PREX2: variants seen among roughly 807,000 people sequenced by gnomAD.
The protein encoded by PREX2 is phosphatidylinositol-3,4,5-trisphosphate dependent Rac exchange factor 2, also known as phosphatidylinositol 3,4,5-trisphosphate-dependent Rac exchanger 2 protein.
In PREX2, 107 loss-of-function variants were observed where a neutral mutation model predicts 203.2. That is an observed-to-expected ratio of 0.53 (90% CI 0.45 to 0.62). PREX2 has a LOEUF of 0.62. Ranked by LOEUF, PREX2 falls within the 20% of genes least tolerant of loss-of-function variation. The pLI is 0.00. For missense variants in PREX2, 1,777 were observed against 1,955.9 expected (o/e 0.91, Z 1.72); for synonymous variants, 672 against 663.6 (o/e 1.01, Z -0.19).
chr8:68,210,600 G>T (rs945026676), intron 37 of PREX2, among the ~76,000 whole-genome samples: 1 of 152,182 alleles, frequency 6.6e-6, no homozygotes, highest in African/African-American at 2.4e-5. Flanking sequence ...TGGCCCAAAA[G>T]GGGTGTTACA....
At position 68,136,520 on chromosome 8, in the gene PREX2, C is replaced by G. The variant is rs149268364; in HGVS notation, c.3985-1895C>G. 6.3e-3 allele frequency among the ~76,000 whole-genome samples: 955 copies of G among 152,228 alleles called. 12 individuals carry two copies. The highest frequency in any genetic ancestry group is 0.021 in the African/African-American group (893 of 41,536). ...GGCTTTGGCAATGTTTGCTGGAACACCATGGCTTGTGCTGTAGCTCTCAAA... is the reference window on the plus strand; with the variant it reads ...GGCTTTGGCAATGTTTGCTGGAACAGCATGGCTTGTGCTGTAGCTCTCAAA... On this transcript the variant is annotated intron_variant, in intron 32 of 39. Coordinates refer to ENST00000288368, the MANE Select transcript of PREX2 (RefSeq NM_024870.4).
intron 37 of PREX2, among the ~76,000 whole-genome samples, chr8:68,213,102 G>A (rs1812772392): frequency 6.6e-6 from 1 of 152,102 alleles, no homozygotes; most frequent in South Asian, 2.1e-4. Flanking sequence ...TTCTACACAG[G>A]ATACTACAAT....
intron 31 of PREX2, among the ~76,000 whole-genome samples, chr8:68,128,795 A>G (rs1810946880): frequency 6.6e-6 from 1 of 152,130 alleles, no homozygotes; most frequent in Non-Finnish European, 1.5e-5. Context: ...TCTCAAAATT[A>G]CATTACAAGA....
intron 35 of PREX2, among the ~76,000 whole-genome samples, chr8:68,169,972 A>G (rs1390355426): frequency 1.3e-5 from 2 of 152,232 alleles, no homozygotes; most frequent in South Asian, 2.1e-4. Context: ...AAACAAGCTG[A>G]TCTACTAGGA....
intron 25 of PREX2, among the ~76,000 whole-genome samples, chr8:68,112,943 C>T (rs759951854): frequency 9.9e-5 from 15 of 152,142 alleles, no homozygotes; most frequent in Non-Finnish European, 1.9e-4. Flanking sequence ...TAAAAACACA[C>T]AGGTCATTGC....
intron 35 of PREX2, among the ~76,000 whole-genome samples, chr8:68,168,504 A>C (rs1288034710): frequency 1.3e-5 from 2 of 152,224 alleles, no homozygotes; most frequent in Non-Finnish European, 2.9e-5. Context: ...TACAATCTCC[A>C]GTACAAATTA....
At chr8:67,985,760 T>A (rs143354815) in intron 1 of PREX2, among the ~76,000 whole-genome samples, 1 of 152,162 alleles carries the variant, frequency 6.6e-6, no homozygotes, top group Non-Finnish European at 1.5e-5. Flanking sequence ...CAGAGGACAG[T>A]TTCAGGGTGA....
chr8:68,075,157 C>G (rs1411462485), intron 14 of PREX2, among the ~76,000 whole-genome samples: 1 of 152,124 alleles, frequency 6.6e-6, no homozygotes, highest in African/African-American at 2.4e-5. Flanking sequence ...TAAATGCTCA[C>G]CAGGTGCATA....
At chr8:68,075,938 T>A (rs1809335270) in intron 14 of PREX2, among the ~76,000 whole-genome samples, 1 of 152,036 alleles carries the variant, frequency 6.6e-6, no homozygotes, top group Non-Finnish European at 1.5e-5. Flanking sequence ...TATGAACAAT[T>A]ACATGAGTGA....
At chr8:68,050,311 G>A (rs1311269636) in intron 8 of PREX2, among the ~76,000 whole-genome samples, 2 of 152,018 alleles carry the variant, frequency 1.3e-5, no homozygotes, top group Non-Finnish European at 2.9e-5. Flanking sequence ...ACTGGATGAC[G>A]GTTCTGTGGG....
At chr8:68,133,495 T>C (rs981785638) in intron 31 of PREX2, among the ~76,000 whole-genome samples, 4 of 152,242 alleles carry the variant, frequency 2.6e-5, no homozygotes, top group African/African-American at 7.2e-5. Context: ...AACATACTTA[T>C]AGCTCATGAA....
intron 34 of PREX2, among the ~76,000 whole-genome samples, chr8:68,156,033 AT>A (rs751084088): frequency 6.6e-6 from 1 of 151,924 alleles, no homozygotes; most frequent in East Asian, 1.9e-4. Flanking sequence ...GAAAATTTCC[AT>A]TTTTTTACTC....
chr8:68,196,263 A>G (rs1812391647), intron 37 of PREX2, among the ~76,000 whole-genome samples: 1 of 150,596 alleles, frequency 6.6e-6, no homozygotes, highest in Admixed American at 6.6e-5. Context: ...ATATAATATA[A>G]TTTAATTTTT....
At chr8:68,129,490 G>A (rs1489028465) in intron 31 of PREX2, among the ~76,000 whole-genome samples, 1 of 152,050 alleles carries the variant, frequency 6.6e-6, no homozygotes, top group Admixed American at 6.6e-5. Context: ...TTTGAAAAGG[G>A]TAGACTGTGT....
chr8:68,045,630 C>G (rs575684737), intron 8 of PREX2, among the ~76,000 whole-genome samples: 1 of 152,154 alleles, frequency 6.6e-6, no homozygotes, highest in Non-Finnish European at 1.5e-5. Context: ...TCAGGTGGTG[C>G]CTGAGACTGA....
intron 20 of PREX2, 40 bp from the exon 21 acceptor site, chr8:68,093,565 C>A (rs1454144313): frequency 1.1e-6 from 1 of 947,956 alleles, no homozygotes; most frequent in Non-Finnish European, 1.7e-6. Context: ...TTTTAGGAAG[C>A]ACTAATACCT....
At position 68,146,350 on chromosome 8, in the gene PREX2, A is replaced by G. The variant is rs776600949; in HGVS notation, c.4229A>G (p.Gln1410Arg). ...AAAATTCATCCTGTTCTTTTTGCAC[A>G]AGGTAAACTGTTTCTCTTTTGATGG... ...GFKIHPVLFA[Q>R]ALESMEGYYY... The change falls in exon 34 of 40, where the codon CAA becomes CGA. Residue 1410 changes from glutamine to arginine, a missense_variant and splice_region_variant. Physicochemically the swap from Gln to Arg is conservative, Grantham distance 43. Coordinates refer to ENST00000288368, the MANE Select transcript of PREX2 (RefSeq NM_024870.4). 1.9e-6 allele frequency: 3 copies of G among 1,611,308 alleles called. No homozygotes were observed. The Admixed American group carries it at 5.0e-5, about 27-fold the overall frequency.
intron 5 of PREX2, among the ~76,000 whole-genome samples, chr8:68,030,105 A>G (rs947736222): frequency 1.9e-4 from 29 of 152,150 alleles, no homozygotes; most frequent in Non-Finnish European, 3.4e-4. Flanking sequence ...TGAAATTATG[A>G]CATACTTAAA....
chr8:68,015,729 A>C (rs1423462498), intron 1 of PREX2, among the ~76,000 whole-genome samples: 2 of 152,236 alleles, frequency 1.3e-5, no homozygotes, highest in East Asian at 3.8e-4. Flanking sequence ...ATTAAAGAAC[A>C]TTTTTGCGAT....
Sources: allele counts gnomAD v4.1 joint callset (sites outside exome capture counted in the v4.1 genomes callset), GRCh38; gene constraint gnomAD v4.1.1; transcripts MANE v1.5; gene names NCBI Gene and HGNC (gene_info 2026-07-23, HGNC 2026-07-21).